LRRK2: variants seen among roughly 807,000 people sequenced by gnomAD.
LRRK2 encodes the protein leucine-rich repeat serine/threonine-protein kinase 2.
In LRRK2, 203 loss-of-function variants were observed where a neutral mutation model predicts 302.6. The observed-to-expected ratio is 0.67, with a 90% CI of 0.60 to 0.75. LRRK2 has a LOEUF of 0.75. Ranked by LOEUF, LRRK2 falls within the 30% of genes least tolerant of loss-of-function variation. The probability of loss-of-function intolerance (pLI) is 0.00; values close to 1 mark genes in which losing one functional copy is unlikely to be tolerated. For missense variants in LRRK2, 2,830 were observed against 2,951.0 expected, an observed-to-expected ratio of 0.96 and a Z score of 0.95; for synonymous variants, 1,066 against 1,031.9, an observed-to-expected ratio of 1.03 and a Z score of -0.63.
At chr12:40,366,699 C>G in intron 49 of LRRK2, 1 of 310,880 alleles carries the variant, frequency 3.2e-6, no homozygotes, top group Non-Finnish European at 6.1e-6. Context: ...ACACACATTA[C>G]CTCGTTTAAC....
At chr12:40,228,817 C>T (rs1258174048) in intron 2 of LRRK2, among the ~76,000 whole-genome samples, 2 of 152,040 alleles carry the variant, frequency 1.3e-5, no homozygotes, top group African/African-American at 4.8e-5. Flanking sequence ...TTTTGCACAG[C>T]CAATATTTGA....
intron 48 of LRRK2, among the ~76,000 whole-genome samples, chr12:40,364,411 T>C (rs17466591): frequency 6.6e-6 from 1 of 152,022 alleles, no homozygotes; most frequent in Non-Finnish European, 1.5e-5. Flanking sequence ...TCACTGGTTC[T>C]GGGAAAAAAT....
At chr12:40,235,517 A>G (rs1213766780) in intron 3 of LRRK2, 109 bp from the exon 4 acceptor site, 2 of 731,210 alleles carry the variant, frequency 2.7e-6, no homozygotes, top group African/African-American at 3.5e-5. Flanking sequence ...ACTACAGGGA[A>G]TTAAATACAA....
At chr12:40,358,900 T>G (rs751852393) in intron 46 of LRRK2, among the ~76,000 whole-genome samples, 20 of 152,090 alleles carry the variant, frequency 1.3e-4, no homozygotes, top group Non-Finnish European at 2.6e-4. Flanking sequence ...ATTTCTTTCA[T>G]GTTTTTCAGG....
chr12:40,315,139 T>A (rs1434911390), intron 32 of LRRK2, 73 bp from the exon 33 acceptor site: 1 of 1,245,472 alleles, frequency 8.0e-7, no homozygotes, highest in African/African-American at 1.5e-5. Context: ...GAAGTTGGAC[T>A]AGATTTTTTC....
At chr12:40,329,369 C>T (rs12370996) in intron 39 of LRRK2, among the ~76,000 whole-genome samples, 4,433 of 152,184 alleles carry the variant, frequency 0.029, 86 homozygotes, top group Non-Finnish European at 0.044. Flanking sequence ...GGAAAATTAA[C>T]GCTATTCTTT....
intron 18 of LRRK2, among the ~76,000 whole-genome samples, chr12:40,283,044 TA>T (rs112859457): frequency 0.093 from 14,103 of 151,664 alleles, 805 homozygotes; most frequent in Admixed American, 0.15. Flanking sequence ...AGGATTTTTT[TA>T]AAAAAAAGAT....
chr12:40,290,251 G>A (rs1488242049), intron 20 of LRRK2, among the ~76,000 whole-genome samples: 1 of 151,834 alleles, frequency 6.6e-6, no homozygotes, highest in Non-Finnish European at 1.5e-5. Flanking sequence ...AAACCAACTT[G>A]CATTCCTGGA....
At chr12:40,302,493 G>C (rs1944668795) in intron 25 of LRRK2, among the ~76,000 whole-genome samples, 1 of 152,008 alleles carries the variant, frequency 6.6e-6, no homozygotes, top group African/African-American at 2.4e-5. Flanking sequence ...CACATAATTT[G>C]AAATGAATAT....
At chr12:40,243,856 ACT>A (rs1245089435) in intron 7 of LRRK2, among the ~76,000 whole-genome samples, 175 bp downstream of exon 7, 5 of 152,116 alleles carry the variant, frequency 3.3e-5, no homozygotes, top group Non-Finnish European at 7.4e-5. Flanking sequence ...AAATTACCAA[ACT>A]GTTCTGCTGT....
chr12:40,320,181 G>T lies in LRRK2; in HGVS notation c.5015+6G>T. On this transcript the variant is annotated splice_donor_region_variant and intron_variant, in intron 34 of 50. Coordinates refer to ENST00000298910, the MANE Select transcript of LRRK2 (RefSeq NM_198578.4). ...TATTTGCTGGTTCCAAGCAGGTAAA[G>T]AAAACCTTAAAAAATTAATTGCTAC... 2 of 1,609,590 alleles carry T rather than the reference G, an allele frequency of 1.2e-6. No homozygotes were observed. Among genetic ancestry groups the T allele is most frequent in the Non-Finnish European group, 1.7e-6 (2 of 1,177,384 alleles).
At position 40,364,985 on chromosome 12, in the gene LRRK2, G is replaced by A. The variant is rs749224394; in HGVS notation, c.7325G>A (p.Arg2442His). 6 of 1,612,586 alleles carry A rather than the reference G, an allele frequency of 3.7e-6. No individual in the cohort carries two copies. Among genetic ancestry groups the A allele is most frequent in the South Asian group, 1.1e-5 (1 of 91,054 alleles). The change falls in exon 49 of 51, where the codon CGT becomes CAT. Residue 2442 changes from arginine to histidine, a missense_variant. Transcript: ENST00000298910. ...GHILLLDLST[R>H]RLIRVIYNFC... The stretch of plus-strand genomic sequence containing the variant: ...ATTTTACTCCTGGATCTTTCAACTC[G>A]TCGACTTATACGTGTAATTTACAAC...
At chr12:40,322,531 C>T (rs200169154) in intron 37 of LRRK2, 21 bp downstream of exon 37, 57 of 1,600,372 alleles carry the variant, frequency 3.6e-5, no homozygotes, top group Non-Finnish European at 4.8e-5. Context: ...ATACAACTTA[C>T]AAATGCTTTT....
At position 40,278,074 on chromosome 12, in the gene LRRK2, A is replaced by G. The variant is rs758596462; in HGVS notation, c.2071-17A>G. On this transcript the variant is annotated splice_polypyrimidine_tract_variant and intron_variant, in intron 17 of 50. Transcript: ENST00000298910. ...ATGTATTTATCTGACTCTAATTCTC[A>G]TTTCCACTCTTTTTAGTTTCTAAAC... 6.2e-7 allele frequency: 1 copy of G among 1,613,832 alleles called. No individual in the cohort carries two copies. Among genetic ancestry groups the G allele is most frequent in the Non-Finnish European group, 8.5e-7 (1 of 1,179,938 alleles).
intron 14 of LRRK2, among the ~76,000 whole-genome samples, chr12:40,264,456 T>TA (rs1942920220): frequency 6.6e-6 from 1 of 151,998 alleles, no homozygotes; most frequent in Non-Finnish European, 1.5e-5. Context: ...CTGTCTCTAC[T>TA]AAAAATACAA....
intron 5 of LRRK2, 59 bp from the exon 6 acceptor site, chr12:40,240,424 A>C: frequency 6.8e-7 from 1 of 1,477,472 alleles, no homozygotes; most frequent in Non-Finnish European, 9.4e-7. Flanking sequence ...TAATTTTTGA[A>C]TAATTAAACT....
chr12:40,363,115 A>G (rs369062723), intron 47 of LRRK2, among the ~76,000 whole-genome samples: 2 of 152,082 alleles, frequency 1.3e-5, no homozygotes, highest in Non-Finnish European at 2.9e-5. Context: ...AAAGAGCCAC[A>G]TAGAATTGAA....
At chr12:40,275,612 A>ATT (rs754582238) in intron 16 of LRRK2, among the ~76,000 whole-genome samples, 6 of 142,030 alleles carry the variant, frequency 4.2e-5, no homozygotes, top group Admixed American at 1.4e-4. Flanking sequence ...CTACAAAGGA[A>ATT]TTTTTTTTTT....
At chr12:40,295,758 G>T in intron 23 of LRRK2, 114 bp downstream of exon 23, 1 of 995,830 alleles carries the variant, frequency 1.0e-6, no homozygotes, top group Non-Finnish European at 1.5e-6. Context: ...GTCACTGGGT[G>T]ATAAGTCCCC....
Sources: allele counts gnomAD v4.1 joint callset (sites outside exome capture counted in the v4.1 genomes callset), GRCh38; gene constraint gnomAD v4.1.1; transcripts MANE v1.5; gene names NCBI Gene and HGNC (gene_info 2026-07-23, HGNC 2026-07-21).